USP15: variants seen among roughly 807,000 people sequenced by gnomAD.
USP15 encodes the protein ubiquitin carboxyl-terminal hydrolase 15.
USP15 carries 18 observed loss-of-function variants against 127.1 expected under a neutral mutation model. That is an observed-to-expected ratio of 0.14 (90% confidence interval 0.10 to 0.21). The LOEUF is 0.21. USP15 is among the 10% of genes least tolerant of loss of function. USP15 has a pLI of 1.00. For synonymous variants in USP15, 364 were observed against 393.7 expected, an observed-to-expected ratio of 0.92 and a Z score of 0.89; for missense variants, 805 against 1,159.9, an observed-to-expected ratio of 0.69 and a Z score of 4.44.
intron 8 of USP15, among the ~76,000 whole-genome samples, chr12:62,361,483 G>A (rs2066313221): frequency 6.6e-6 from 1 of 151,704 alleles, no homozygotes; most frequent in African/African-American, 2.4e-5. Flanking sequence ...AATACAAAGT[G>A]GTTTTACTAT....
intron 6 of USP15, among the ~76,000 whole-genome samples, chr12:62,344,402 CACAAG>C (rs749109117): frequency 2.5e-4 from 38 of 152,324 alleles, no homozygotes; most frequent in Non-Finnish European, 4.6e-4. Flanking sequence ...GTCACGCTGG[CACAAG>C]AGGTGGGCTC....
In USP15 at chr12:62,355,413, C is replaced by G. The variant is rs140380674; in HGVS notation, c.853C>G (p.Gln285Glu). 6.4e-5 allele frequency: 103 copies of G among 1,611,050 alleles called. No homozygotes were observed. In the African/African-American group the frequency reaches 1.1e-3, roughly 18 times the overall value. Reference sequence around the variant, plus strand: ...TTCGGAACCTGGAAGAAACAATGAACAGCCAGGCCTCTGTGGCCTAAGTAA... The same window carrying G: ...TTCGGAACCTGGAAGAAACAATGAAGAGCCAGGCCTCTGTGGCCTAAGTAA... The part of the protein sequence containing the change: ...DYSEPGRNNE[Q>E]PGLCGLSNLG... Residue 285 changes from glutamine to glutamate, a missense_variant, in exon 8 of 22, where the codon CAG becomes GAG. Gln to Glu is a conservative substitution (Grantham distance 29). Transcript: ENST00000280377.
rs1479648344 is a variant in USP15, at chr12:62,409,900, T to G, written c.*5525T>G. On this transcript the variant is annotated 3_prime_UTR_variant, in exon 22 of 22. Transcript: ENST00000280377. Reference sequence around the variant, plus strand: ...ACAAGTCTCTCATTAAAATTTTTTTTTAATAGTATTTGCTTTTCTTTTAAA... The same window carrying G: ...ACAAGTCTCTCATTAAAATTTTTTTGTAATAGTATTTGCTTTTCTTTTAAA... 2.0e-5 allele frequency: 3 copies of G among 152,172 alleles called. No individual in the cohort carries two copies. Among genetic ancestry groups the G allele is most frequent in the Non-Finnish European group, 2.9e-5 (2 of 68,010 alleles). The allele number at this position is 152,172 out of a possible 1,614,324, so 9.4% of individuals were successfully genotyped here. A position where few individuals can be genotyped will look rare whatever the true frequency, so the allele number is the denominator to read the frequency against.
chr12:62,360,842 A>T (rs1229006382), intron 8 of USP15, among the ~76,000 whole-genome samples: 1 of 152,046 alleles, frequency 6.6e-6, no homozygotes, highest in Non-Finnish European at 1.5e-5. Context: ...GTTAAACTCA[A>T]TTATGTGAGT....
chr12:62,308,200 G>C (rs537691442), intron 3 of USP15, among the ~76,000 whole-genome samples: 5 of 151,934 alleles, frequency 3.3e-5, no homozygotes, highest in Non-Finnish European at 5.9e-5. Context: ...CTGAACTCCA[G>C]GTTGCTAAAA....
chr12:62,400,346 A>C (rs1373804060), intron 20 of USP15, among the ~76,000 whole-genome samples: 1 of 152,174 alleles, frequency 6.6e-6, no homozygotes, highest in Non-Finnish European at 1.5e-5. Context: ...TAGTATTTGC[A>C]TATAACCTAA....
chr12:62,403,136 G>A (rs2067747025), intron 21 of USP15, among the ~76,000 whole-genome samples: 1 of 152,032 alleles, frequency 6.6e-6, no homozygotes, highest in Non-Finnish European at 1.5e-5. Flanking sequence ...ATTTCCATTA[G>A]GTTGTTGGAC....
At chr12:62,292,735 TG>T (rs375803608) in intron 1 of USP15, among the ~76,000 whole-genome samples, 2 of 152,006 alleles carry the variant, frequency 1.3e-5, no homozygotes, top group African/African-American at 4.8e-5. Context: ...AGAGAGCTCT[TG>T]GGGGGCGCTG....
At position 62,302,975 on chromosome 12, in the gene USP15, TTTA is replaced by T. The variant is rs763345620; in HGVS notation, c.348+62_348+64del. 60 of 1,549,118 alleles carry T rather than the reference TTTA, an allele frequency of 3.9e-5. No homozygotes were observed. The Admixed American group carries it at 9.0e-4, about 23-fold the overall frequency. On this transcript the variant is annotated intron_variant, in intron 3 of 21. Transcript: ENST00000280377. The stretch of plus-strand genomic sequence containing the variant: ...ATTATTTTTCTTGATTAGTTCACAT[TTTA>T]TTATTAATTCAATGAATTGTGAAGT...
intron 6 of USP15, among the ~76,000 whole-genome samples, chr12:62,331,939 C>T (rs894044988): frequency 1.3e-5 from 2 of 152,034 alleles, no homozygotes; most frequent in Admixed American, 6.6e-5. Flanking sequence ...CCAAGGTGAA[C>T]GGATCACTTG....
intron 19 of USP15, among the ~76,000 whole-genome samples, 192 bp downstream of exon 19, chr12:62,393,394 TC>T (rs943704201): frequency 7.9e-5 from 12 of 152,216 alleles, no homozygotes; most frequent in African/African-American, 1.7e-4. Flanking sequence ...TTAGAGATTT[TC>T]CAAAGATCAA....
chr12:62,333,498 A>G (rs1229390459), intron 6 of USP15, among the ~76,000 whole-genome samples: 2 of 151,994 alleles, frequency 1.3e-5, no homozygotes, highest in Non-Finnish European at 2.9e-5. Flanking sequence ...GGGTTTCACC[A>G]TGTTGCCCAG....
chr12:62,290,698 A>C (rs979931875), intron 1 of USP15, among the ~76,000 whole-genome samples: 18 of 152,178 alleles, frequency 1.2e-4, no homozygotes, highest in African/African-American at 4.3e-4. Flanking sequence ...TAATTATTTT[A>C]CAAGACCTGT....
At chr12:62,365,872 G>T (rs944264908) in intron 8 of USP15, among the ~76,000 whole-genome samples, 32 of 152,168 alleles carry the variant, frequency 2.1e-4, no homozygotes, top group Non-Finnish European at 2.2e-4. Flanking sequence ...TAAATGTGTG[G>T]TGTTATTTCT....
At chr12:62,314,018 C>T in intron 3 of USP15, 1 of 896,688 alleles carries the variant, frequency 1.1e-6, no homozygotes, top group Non-Finnish European at 1.3e-6. Context: ...TGAAATCCTA[C>T]AGTTAACCTT....
At chr12:62,271,409 A>G (rs1485498409) in intron 1 of USP15, among the ~76,000 whole-genome samples, 2 of 151,968 alleles carry the variant, frequency 1.3e-5, no homozygotes, top group African/African-American at 4.8e-5. Flanking sequence ...AATTTTCTTT[A>G]GGTGCTTGTT....
At chr12:62,364,655 G>A (rs556287415) in intron 8 of USP15, among the ~76,000 whole-genome samples, 1 of 151,998 alleles carries the variant, frequency 6.6e-6, no homozygotes, top group African/African-American at 2.4e-5. Flanking sequence ...GTGGTTTGCT[G>A]TACTCATCAA....
At position 62,414,860 on chromosome 12, in the gene USP15, C is replaced by A. The variant is rs1323950489; in HGVS notation, c.*10485C>A. ...GAGATCCTGTTTCTGTCTTAAAGTTCTCTTCTAATTCCTTGTATTAATCAG... is the reference window on the plus strand; with the variant it reads ...GAGATCCTGTTTCTGTCTTAAAGTTATCTTCTAATTCCTTGTATTAATCAG... On this transcript the variant is annotated 3_prime_UTR_variant, in exon 22 of 22. Transcript: ENST00000280377. 6.6e-6 allele frequency: 1 copy of A among 151,462 alleles called. No individual in the cohort carries two copies. The highest frequency in any genetic ancestry group is 2.4e-5 in the African/African-American group (1 of 41,194). The allele number at this position is 151,462 out of a possible 1,614,324, so 9.4% of individuals were successfully genotyped here. A position where few individuals can be genotyped will look rare whatever the true frequency, so the allele number is the denominator to read the frequency against.
intron 1 of USP15, among the ~76,000 whole-genome samples, chr12:62,290,757 A>G (rs771396296): frequency 3.3e-5 from 5 of 152,114 alleles, no homozygotes; most frequent in Non-Finnish European, 7.4e-5. Context: ...TTGACCCTTC[A>G]TTTCCATGTT....
Sources: gnomAD v4.1 joint callset for allele counts (sites outside exome capture counted in the v4.1 genomes callset) on GRCh38, gnomAD v4.1.1 for gene constraint, MANE v1.5 for transcripts, NCBI Gene and HGNC (gene_info 2026-07-23, HGNC 2026-07-21) for gene names.